RIPK2: variants seen among roughly 807,000 people sequenced by gnomAD.
RIPK2 encodes receptor-interacting serine/threonine-protein kinase 2.
In RIPK2, 38 loss-of-function variants were observed where a neutral mutation model predicts 60.9. The ratio of observed to expected loss-of-function variants is 0.62; its 90% CI spans 0.48 to 0.82. RIPK2 has a LOEUF of 0.82. Ranked by LOEUF, RIPK2 falls within the 40% of genes least tolerant of loss-of-function variation. The pLI is 0.00. For missense variants in RIPK2, 518 were observed against 647.0 expected (o/e 0.80, Z 2.16); for synonymous variants, 225 against 223.4 (o/e 1.01, Z -0.06).
At chr8:89,785,337 T>C (rs1394426332) in intron 8 of RIPK2, among the ~76,000 whole-genome samples, 1 of 152,018 alleles carries the variant, frequency 6.6e-6, no homozygotes, top group Non-Finnish European at 1.5e-5. Context: ...TAGCTGGGCA[T>C]GGTGGCGCAT....
chr8:89,774,263 G>A (rs1000649465), intron 6 of RIPK2, among the ~76,000 whole-genome samples: 1 of 152,130 alleles, frequency 6.6e-6, no homozygotes, highest in African/African-American at 2.4e-5. Context: ...CACCAAGGGA[G>A]ATATACAAAT....
At chr8:89,758,539 T>C (rs1270989131) in intron 1 of RIPK2, among the ~76,000 whole-genome samples, 4 of 152,192 alleles carry the variant, frequency 2.6e-5, no homozygotes, top group Non-Finnish European at 5.9e-5. Context: ...AAATCAGCAA[T>C]CACTGCCTAA....
In RIPK2 at chr8:89,790,245, C is replaced by G. The variant is rs200160003; in HGVS notation, c.1452C>G (p.Thr484=). 3 of 1,614,074 alleles carry G rather than the reference C, an allele frequency of 1.9e-6. No homozygotes were observed. The highest frequency in any genetic ancestry group is 1.7e-6 in the Non-Finnish European group (2 of 1,179,994). ...YELVSTKPTR[T]SKVRQLLDTT... ...TTGTTAGTACCAAGCCTACAAGGACCTCAAAAGTCAGACAATTACTAGACA... is the reference window on the plus strand; with the variant it reads ...TTGTTAGTACCAAGCCTACAAGGACGTCAAAAGTCAGACAATTACTAGACA... Residue 484 remains threonine, a synonymous_variant, in exon 11 of 11, where the codon ACC becomes ACG. Coordinates refer to ENST00000220751, the MANE Select transcript of RIPK2 (RefSeq NM_003821.6).
Position 89,776,344 on chromosome 8 carries a change from A to T in RIPK2, c.853+3516A>T, listed in dbSNP as rs541572895. On this transcript the variant is annotated intron_variant, in intron 6 of 10. Transcript: ENST00000220751. ...GTACGAGATAATTATGTAAGACAGCAATTCTCAAACTTAGATCTCAAGACT... is the reference window on the plus strand; with the variant it reads ...GTACGAGATAATTATGTAAGACAGCTATTCTCAAACTTAGATCTCAAGACT... 2.8e-4 allele frequency among the ~76,000 whole-genome samples: 43 copies of T among 152,360 alleles called. No individual in the cohort carries two copies. In the South Asian group the frequency reaches 8.7e-3, roughly 31 times the overall value.
At chr8:89,761,108 T>C (rs1809137378) in intron 1 of RIPK2, among the ~76,000 whole-genome samples, 1 of 152,238 alleles carries the variant, frequency 6.6e-6, no homozygotes, top group Non-Finnish European at 1.5e-5. Context: ...TATAAATATA[T>C]GACCTATTCA....
Position 89,790,958 on chromosome 8 carries a change from G to T in RIPK2, c.*542G>T, listed in dbSNP as rs1226199852. 2.6e-5 allele frequency: 4 copies of T among 151,918 alleles called. No homozygotes were observed. Among genetic ancestry groups the T allele is most frequent in the Non-Finnish European group, 5.9e-5 (4 of 67,936 alleles). 9.4% of individuals were successfully genotyped at this position (151,918 alleles called of 1,614,324 possible). On this transcript the variant is annotated 3_prime_UTR_variant, in exon 11 of 11. Transcript: ENST00000220751. ...CAAAGGTAAAACAATACAATATAAA[G>T]AAAAAAATAAATATATTAATACCGG...
chr8:89,757,920 T>A lies in RIPK2; in HGVS notation c.-141T>A, dbSNP rs987252218. 2 of 1,391,888 alleles carry A rather than the reference T, an allele frequency of 1.4e-6. No individual in the cohort carries two copies. The highest frequency in any genetic ancestry group is 9.3e-7 in the Non-Finnish European group (1 of 1,075,304). The allele number at this position is 1,391,888 out of a possible 1,614,324, so 86.2% of individuals were successfully genotyped here. ...GCCATCCGGGGAATGGGCGCCCTCGTGACCTAGTGTTGCGGGGCAAAAAGG... is the reference window on the plus strand; with the variant it reads ...GCCATCCGGGGAATGGGCGCCCTCGAGACCTAGTGTTGCGGGGCAAAAAGG... On this transcript the variant is annotated 5_prime_UTR_variant, in exon 1 of 11. Transcript: ENST00000220751.
chr8:89,759,948 A>T (rs949140559), intron 1 of RIPK2, among the ~76,000 whole-genome samples: 2 of 152,204 alleles, frequency 1.3e-5, no homozygotes, highest in East Asian at 3.8e-4. Context: ...CAATTTTCAT[A>T]GTCTAAAATT....
chr8:89,779,599 T>C (rs1234235976), intron 6 of RIPK2, among the ~76,000 whole-genome samples: 1 of 152,086 alleles, frequency 6.6e-6, no homozygotes, highest in East Asian at 1.9e-4. Flanking sequence ...GGATTACAGG[T>C]GTGAGCCACC....
At chr8:89,780,258 T>A in intron 7 of RIPK2, 98 bp downstream of exon 7, 1 of 595,816 alleles carries the variant, frequency 1.7e-6, no homozygotes, top group Non-Finnish European at 2.9e-6. Flanking sequence ...TATATATACT[T>A]TACACAGATA....
intron 6 of RIPK2, among the ~76,000 whole-genome samples, chr8:89,776,300 TTAAG>T (rs1809397605): frequency 6.6e-6 from 1 of 152,208 alleles, no homozygotes; most frequent in African/African-American, 2.4e-5. Flanking sequence ...AGAAAAGGAC[TTAAG>T]TGTCTCCTCC....
intron 1 of RIPK2, 57 bp downstream of exon 1, chr8:89,758,290 C>A (rs1200122697): frequency 2.2e-5 from 33 of 1,494,372 alleles, no homozygotes; most frequent in Non-Finnish European, 2.9e-5. Context: ...CCCCTCAAGC[C>A]CCCTGACAAG....
At chr8:89,762,497 C>T (rs1809162214) in intron 1 of RIPK2, among the ~76,000 whole-genome samples, 1 of 152,112 alleles carries the variant, frequency 6.6e-6, no homozygotes, top group Non-Finnish European at 1.5e-5. Context: ...TTAGTTCAAG[C>T]ACCAATTGTT....
At chr8:89,770,962 A>G (rs533827321) in intron 4 of RIPK2, among the ~76,000 whole-genome samples, 1 of 151,936 alleles carries the variant, frequency 6.6e-6, no homozygotes, top group African/African-American at 2.4e-5. Flanking sequence ...AAATGTATTT[A>G]TAGCTTCCTA....
intron 3 of RIPK2, 141 bp from the exon 4 acceptor site, chr8:89,769,631 G>A: frequency 1.9e-6 from 1 of 521,824 alleles, no homozygotes; most frequent in Non-Finnish European, 3.2e-6. Context: ...GAAGTTGGGG[G>A]AATATACAGA....
Position 89,789,330 on chromosome 8 carries a change from A to G in RIPK2, c.1133A>G (p.Gln378Arg). The change falls in exon 10 of 11, where the codon CAA becomes CGA. Residue 378 changes from glutamine to arginine, a missense_variant. Gln to Arg is a conservative substitution (Grantham distance 43). Transcript: ENST00000220751. ...QDNDFLSRKA[Q>R]DCYFMKLHHC... is the part of the protein sequence containing the mutation. ...ATGTTGTATTTTGTAGGAAAAGCTC[A>G]AGACTGTTATTTTATGAAGCTGCAT... The G allele has an allele frequency of 6.2e-7, 1 of 1,613,664 alleles. No homozygotes were observed. Among genetic ancestry groups the G allele is most frequent in the Non-Finnish European group, 8.5e-7 (1 of 1,179,810 alleles).
intron 9 of RIPK2, 67 bp downstream of exon 9, chr8:89,786,753 C>A: frequency 1.1e-6 from 1 of 929,796 alleles, no homozygotes; most frequent in East Asian, 2.4e-5. Flanking sequence ...CAAATTTTTG[C>A]AAGCAGTCAT....
intron 9 of RIPK2, among the ~76,000 whole-genome samples, chr8:89,788,876 A>G (rs2130592201): frequency 6.6e-6 from 1 of 152,242 alleles, no homozygotes. Flanking sequence ...ATATAAGACG[A>G]AAGTTCAATG....
chr8:89,771,651 C>T (rs1249384011), intron 4 of RIPK2, 90 bp from the exon 5 acceptor site: 1 of 791,048 alleles, frequency 1.3e-6, no homozygotes, highest in Non-Finnish European at 2.0e-6. Context: ...AAAATGGTAT[C>T]TTCAGTCAGC....
Sources: gnomAD v4.1 joint callset for allele counts (sites outside exome capture counted in the v4.1 genomes callset) on GRCh38, gnomAD v4.1.1 for gene constraint, MANE v1.5 for transcripts, NCBI Gene and HGNC (gene_info 2026-07-23, HGNC 2026-07-21) for gene names.